GALNT1: variants seen among roughly 807,000 people sequenced by gnomAD.
The protein encoded by GALNT1 is GalNAc transferase 1.
In GALNT1, 17 loss-of-function variants were observed where a neutral mutation model predicts 65.7. That is an observed-to-expected ratio of 0.26 (90% CI 0.18 to 0.39). The LOEUF is 0.39. Ranked by LOEUF, GALNT1 falls within the 10% of genes least tolerant of loss-of-function variation. GALNT1 has a pLI of 1.00. For missense variants in GALNT1, 460 were observed against 672.8 expected, an observed-to-expected ratio of 0.68 and a Z score of 3.50; for synonymous variants, 210 against 219.7, an observed-to-expected ratio of 0.96 and a Z score of 0.39.
intron 3 of GALNT1, among the ~76,000 whole-genome samples, chr18:35,672,750 C>G (rs1341964018): frequency 6.6e-6 from 1 of 151,128 alleles, no homozygotes; most frequent in African/African-American, 2.4e-5. Flanking sequence ...AAGACAGATT[C>G]CAAATCATCT....
chr18:35,644,771 A>C (rs962018289), intron 1 of GALNT1, among the ~76,000 whole-genome samples: 1 of 152,078 alleles, frequency 6.6e-6, no homozygotes, highest in Non-Finnish European at 1.5e-5. Flanking sequence ...CGGGCGTATC[A>C]CTTCAGGTGA....
At chr18:35,673,204 G>T (rs1218184052) in intron 3 of GALNT1, among the ~76,000 whole-genome samples, 1 of 152,136 alleles carries the variant, frequency 6.6e-6, no homozygotes, top group Admixed American at 6.5e-5. Context: ...GGGAGAAAAA[G>T]AATACATTGA....
At chr18:35,636,037 G>A (rs75237250) in intron 1 of GALNT1, among the ~76,000 whole-genome samples, 2,831 of 152,134 alleles carry the variant, frequency 0.019, 28 homozygotes, top group Non-Finnish European at 0.028. Flanking sequence ...CTGATTCCAG[G>A]ATATGGAATC....
chr18:35,669,209 C>G (rs2047594529), intron 3 of GALNT1, among the ~76,000 whole-genome samples: 1 of 142,696 alleles, frequency 7.0e-6, no homozygotes, highest in Non-Finnish European at 1.5e-5. Flanking sequence ...CCACTGCACT[C>G]CAGCCTGAGC....
rs554002313 is a variant in GALNT1 at position 35,583,958 on chromosome 18, A to G, written c.-104+2096A>G. ...CATTAGTGCTTCATATAGTTTTTAA[A>G]AAATTTTGTATTTTTTTAGGTAGCT... On this transcript the variant is annotated intron_variant, in intron 1 of 11. Coordinates refer to ENST00000269195, the MANE Select transcript of GALNT1 (RefSeq NM_020474.4). Among the ~76,000 whole-genome samples the G allele has an allele frequency of 1.1e-3, 165 of 152,328 alleles. 2 individuals are homozygous for G. The highest frequency in any genetic ancestry group is 3.8e-3 in the African/African-American group (156 of 41,568).
chr18:35,590,902 T>C (rs1224358555), intron 1 of GALNT1, among the ~76,000 whole-genome samples: 1 of 152,216 alleles, frequency 6.6e-6, no homozygotes. Context: ...TTATTTTAAG[T>C]GTTTCCATGC....
intron 1 of GALNT1, among the ~76,000 whole-genome samples, chr18:35,631,311 A>C (rs1170890371): frequency 2.0e-5 from 3 of 152,190 alleles, no homozygotes; most frequent in Non-Finnish European, 2.9e-5. Flanking sequence ...TCCTCAATAA[A>C]ATACTGGCAA....
chr18:35,586,580 T>G (rs182821527), intron 1 of GALNT1, among the ~76,000 whole-genome samples: 63 of 152,272 alleles, frequency 4.1e-4, no homozygotes, highest in Non-Finnish European at 7.1e-4. Flanking sequence ...TGATCCAGTT[T>G]ATGAAGCTGA....
chr18:35,624,407 TGTGA>T (rs1319179763), intron 1 of GALNT1, among the ~76,000 whole-genome samples: 1 of 152,246 alleles, frequency 6.6e-6, no homozygotes, highest in Non-Finnish European at 1.5e-5. Context: ...CTTTTCTGTG[TGTGA>T]GTGTCTCATG....
chr18:35,682,821 T>C (rs1490406342), intron 4 of GALNT1, among the ~76,000 whole-genome samples: 1 of 151,462 alleles, frequency 6.6e-6, no homozygotes, highest in Non-Finnish European at 1.5e-5. Context: ...TTACACCTAA[T>C]TGTCAGTTTA....
intron 2 of GALNT1, among the ~76,000 whole-genome samples, chr18:35,655,453 A>G (rs1345231021): frequency 6.6e-6 from 1 of 151,438 alleles, no homozygotes; most frequent in East Asian, 1.9e-4. Context: ...TTCAGTTTTA[A>G]ACTCCTTTTA....
At chr18:35,651,189 T>C (rs999794846) in intron 1 of GALNT1, among the ~76,000 whole-genome samples, 2 of 152,178 alleles carry the variant, frequency 1.3e-5, no homozygotes, top group African/African-American at 4.8e-5. Flanking sequence ...GTGAAATTCC[T>C]TTTCAAGGCT....
At chr18:35,624,239 G>T (rs1170706878) in intron 1 of GALNT1, among the ~76,000 whole-genome samples, 1 of 152,188 alleles carries the variant, frequency 6.6e-6, no homozygotes, top group East Asian at 1.9e-4. Flanking sequence ...AGTATTTCCT[G>T]CCTCACTTTC....
intron 1 of GALNT1, among the ~76,000 whole-genome samples, chr18:35,651,011 A>G (rs1266097802): frequency 6.6e-6 from 1 of 152,232 alleles, no homozygotes; most frequent in Non-Finnish European, 1.5e-5. Flanking sequence ...GACAGGCATA[A>G]GAAATTATAA....
At chr18:35,637,482 G>A (rs1251173633) in intron 1 of GALNT1, among the ~76,000 whole-genome samples, 1 of 152,212 alleles carries the variant, frequency 6.6e-6, no homozygotes, top group East Asian at 1.9e-4. Flanking sequence ...CTTAAGTCCA[G>A]CCTAATCAAG....
Position 35,651,853 on chromosome 18 carries a change from G to A in GALNT1, c.-103-2707G>A, listed in dbSNP as rs192406980. ...GAAAACTAGAATCTTACCTGCAATG[G>A]GTCGTGCAAATTAACAATCTTTTAA... On this transcript the variant is annotated intron_variant, in intron 1 of 11. Transcript: ENST00000269195. Among the ~76,000 whole-genome samples, 17 of 152,106 alleles carry A rather than the reference G, an allele frequency of 1.1e-4. 1 individual carries two copies. In the East Asian group the frequency reaches 3.3e-3, roughly 29 times the overall value.
rs940981143 is a variant in GALNT1, at chr18:35,624,563, A to G, written c.-103-29997A>G. On this transcript the variant is annotated intron_variant, in intron 1 of 11. Coordinates refer to ENST00000269195, the MANE Select transcript of GALNT1 (RefSeq NM_020474.4). ...TTGTCTTAATTTTAATAACTGATGT[A>G]TTGGGATTTATTTCTACCATTTTGT... Among the ~76,000 whole-genome samples, 5 of 152,260 alleles carry G rather than the reference A, an allele frequency of 3.3e-5. No individual in the cohort carries two copies. The East Asian group carries it at 9.6e-4, about 29-fold the overall frequency.
intron 1 of GALNT1, among the ~76,000 whole-genome samples, chr18:35,631,849 T>C (rs1349198477): frequency 6.6e-6 from 1 of 152,210 alleles, no homozygotes; most frequent in Non-Finnish European, 1.5e-5. Flanking sequence ...CATAGGCAAC[T>C]TCAGCAAAGT....
chr18:35,593,537 TGA>T (rs1343539529), intron 1 of GALNT1, among the ~76,000 whole-genome samples: 1 of 151,938 alleles, frequency 6.6e-6, no homozygotes, highest in Non-Finnish European at 1.5e-5. Flanking sequence ...GTAAGGTATA[TGA>T]GAGTCACTGA....
Sources: gnomAD v4.1 joint callset for allele counts (sites outside exome capture counted in the v4.1 genomes callset) on GRCh38, gnomAD v4.1.1 for gene constraint, MANE v1.5 for transcripts, NCBI Gene and HGNC (gene_info 2026-07-23, HGNC 2026-07-21) for gene names.